Variants in TMEM232 observed in about 807,000 individuals in gnomAD.
TMEM232 encodes transmembrane protein 232.
Under a neutral mutation model 78.8 loss-of-function variants are expected in TMEM232, and 80 were observed. The observed-to-expected ratio is 1.01, with a 90% CI of 0.85 to 1.22. The LOEUF (loss-of-function observed/expected upper bound fraction) is 1.22. Ranked by LOEUF, TMEM232 falls within the 50% of genes most tolerant of loss-of-function variation. The pLI is 0.00. For synonymous variants in TMEM232, 297 were observed against 254.3 expected (o/e 1.17, Z -1.60); for missense variants, 881 against 742.2 (o/e 1.19, Z -2.17).
intron 1 of TMEM232, among the ~76,000 whole-genome samples, chr5:110,715,821 A>T (rs1796950556): frequency 6.6e-6 from 1 of 152,130 alleles, no homozygotes; most frequent in Non-Finnish European, 1.5e-5. Context: ...ACAGACCTTA[A>T]GTCTGATAAG....
rs560643212 is a variant in TMEM232 at position 110,522,560 on chromosome 5, C to G, written c.1703+6028G>C. ...TTAGCTGTGGACTTTACATATATGG[C>G]CTTTATTATGTCGAGGTATATTCCT... On this transcript the variant is annotated intron_variant, in intron 12 of 13. Coordinates refer to ENST00000455884, the MANE Select transcript of TMEM232 (RefSeq NM_001039763.4). Among the ~76,000 whole-genome samples the G allele has an allele frequency of 1.2e-3, 186 of 152,072 alleles. 1 individual carries two copies. Among genetic ancestry groups the G allele is most frequent in the African/African-American group, 4.1e-3 (170 of 41,478 alleles).
chr5:110,499,627 A>ACCC lies in TMEM232; in HGVS notation c.1703+28958_1703+28960dup, dbSNP rs140788823. 3.9e-3 allele frequency among the ~76,000 whole-genome samples: 462 copies of ACCC among 119,402 alleles called. 5 individuals carry two copies. The highest frequency in any genetic ancestry group is 0.019 in the African/African-American group (428 of 22,038). The allele number at this position is 119,402 out of a possible 152,430, so 78.3% of individuals were successfully genotyped here. ...AGAGAGGGGAAAAATATATGTATAC[A>ACCC]CCCCCCCCCACACACACACATATAT... is the stretch of plus-strand genomic sequence containing the variant. On this transcript the variant is annotated intron_variant, in intron 12 of 13. Transcript: ENST00000455884.
intron 12 of TMEM232, among the ~76,000 whole-genome samples, chr5:110,427,377 AT>A (rs1757353405): frequency 6.6e-6 from 1 of 152,130 alleles, no homozygotes; most frequent in East Asian, 1.9e-4. Context: ...TGTCAAAAGA[AT>A]TCAGAGGAAA....
At chr5:110,424,154 GA>G (rs543767429) in intron 13 of TMEM232, among the ~76,000 whole-genome samples, 85 of 151,956 alleles carry the variant, frequency 5.6e-4, no homozygotes, top group Non-Finnish European at 8.4e-4. Flanking sequence ...AAAGTAGTGT[GA>G]AAAAATTAAT....
chr5:110,568,306 G>T, intron 11 of TMEM232, 141 bp downstream of exon 11: 1 of 873,888 alleles, frequency 1.1e-6, no homozygotes, highest in Non-Finnish European at 1.7e-6. Flanking sequence ...ATAGATCAGT[G>T]TTAAGTTTTA....
At chr5:110,680,126 C>A (rs1431569965) in intron 1 of TMEM232, among the ~76,000 whole-genome samples, 1 of 152,008 alleles carries the variant, frequency 6.6e-6, no homozygotes, top group Non-Finnish European at 1.5e-5. Context: ...AGGCCTGGTG[C>A]AGTGGCTCAC....
At chr5:110,617,311 T>C (rs1357350070) in intron 8 of TMEM232, among the ~76,000 whole-genome samples, 1 of 151,798 alleles carries the variant, frequency 6.6e-6, no homozygotes, top group Non-Finnish European at 1.5e-5. Flanking sequence ...AGTCAAAGAG[T>C]GCAAAGTTTC....
intron 12 of TMEM232, among the ~76,000 whole-genome samples, chr5:110,523,686 A>G (rs1315986851): frequency 2.0e-5 from 3 of 152,084 alleles, no homozygotes; most frequent in Non-Finnish European, 4.4e-5. Flanking sequence ...GGAATGGCGA[A>G]TCATGCTTAT....
intron 11 of TMEM232, among the ~76,000 whole-genome samples, chr5:110,529,287 C>T (rs1771076616): frequency 7.2e-5 from 11 of 151,798 alleles, no homozygotes; most frequent in Admixed American, 7.2e-4. Context: ...GCTGTGTCTC[C>T]CAGACTGGAG....
chr5:110,704,613 G>T (rs530374069), intron 1 of TMEM232, among the ~76,000 whole-genome samples: 4 of 152,030 alleles, frequency 2.6e-5, no homozygotes, highest in African/African-American at 9.6e-5. Flanking sequence ...AATTAATATG[G>T]AAGTAGGGCA....
chr5:110,392,072 A>T (rs770824907), intron 3 of TMEM232, among the ~76,000 whole-genome samples: 4 of 152,152 alleles, frequency 2.6e-5, no homozygotes, highest in Non-Finnish European at 5.9e-5. Flanking sequence ...ACTCTTCTAG[A>T]CTATTCTAAT....
chr5:110,737,441 G>C (rs902414938), intron 1 of TMEM232, among the ~76,000 whole-genome samples: 1 of 152,094 alleles, frequency 6.6e-6, no homozygotes, highest in Non-Finnish European at 1.5e-5. Context: ...TATTTTTACA[G>C]TTTTTGATAC....
At chr5:110,413,614 G>T (rs1756078393) in intron 2 of TMEM232, among the ~76,000 whole-genome samples, 1 of 152,060 alleles carries the variant, frequency 6.6e-6, no homozygotes, top group Admixed American at 6.5e-5. Context: ...CATCCCTATG[G>T]GGCCTCTTCT....
At chr5:110,445,458 CA>C (rs1759543013) in intron 12 of TMEM232, among the ~76,000 whole-genome samples, 1 of 151,996 alleles carries the variant, frequency 6.6e-6, no homozygotes, top group Non-Finnish European at 1.5e-5. Context: ...TGTTTAAGAA[CA>C]AAATAATACA....
chr5:110,500,288 CAAAAAAAAAA>C (rs773716425), intron 12 of TMEM232, among the ~76,000 whole-genome samples: 1 of 70,742 alleles, frequency 1.4e-5, no homozygotes, highest in South Asian at 4.7e-4. Context: ...GACTCTGTCT[CAAAAAAAAAA>C]AAAAAAAAAG....
chr5:110,656,505 A>G (rs758502033), intron 2 of TMEM232, among the ~76,000 whole-genome samples: 1 of 152,206 alleles, frequency 6.6e-6, no homozygotes, highest in African/African-American at 2.4e-5. Flanking sequence ...AAAGACAATG[A>G]TAGAAAATGT....
chr5:110,733,477 G>A (rs564939496), intron 2 of TMEM232, among the ~76,000 whole-genome samples: 3 of 152,240 alleles, frequency 2.0e-5, no homozygotes, highest in South Asian at 4.1e-4. Flanking sequence ...TATGGTACAT[G>A]TACACCATGG....
At chr5:110,417,158 C>T (rs761972715), downstream of TMEM232, among the ~76,000 whole-genome samples, 6 of 152,048 alleles carry the variant, frequency 3.9e-5, no homozygotes, top group South Asian at 2.1e-4. Context: ...TCAAAATAAA[C>T]GTAAGCATAA....
chr5:110,553,121 C>T (rs1043609985), intron 11 of TMEM232, among the ~76,000 whole-genome samples: 11 of 152,114 alleles, frequency 7.2e-5, no homozygotes, highest in African/African-American at 2.7e-4. Flanking sequence ...CAGTACCATG[C>T]TGTTTTGGTT....
Sources: gnomAD v4.1 joint callset for allele counts (sites outside exome capture counted in the v4.1 genomes callset) on GRCh38, gnomAD v4.1.1 for gene constraint, MANE v1.5 for transcripts, NCBI Gene and HGNC (gene_info 2026-07-23, HGNC 2026-07-21) for gene names.